Variants in AGPS observed in about 807,000 individuals in gnomAD.
AGPS encodes alkylglycerone phosphate synthase.
A neutral mutation model predicts 90.7 loss-of-function variants in AGPS; 26 were observed. That is an observed-to-expected ratio of 0.29 (90% CI 0.21 to 0.40). The LOEUF (loss-of-function observed/expected upper bound fraction) is 0.40, where lower values mean the gene tolerates loss of function less well. AGPS is among the 10% of genes least tolerant of loss of function. AGPS has a pLI of 1.00. For synonymous variants in AGPS, 294 were observed against 285.3 expected, an observed-to-expected ratio of 1.03 and a Z score of -0.31; for missense variants, 540 against 816.1, an observed-to-expected ratio of 0.66 and a Z score of 4.12.
intron 8 of AGPS, among the ~76,000 whole-genome samples, chr2:177,449,453 C>T (rs1686871442): frequency 1.3e-5 from 2 of 152,182 alleles, no homozygotes; most frequent in Admixed American, 6.5e-5. Context: ...GACAGTGTCT[C>T]ATGCTGCTGC....
chr2:177,524,085 G>A (rs1236885926), intron 19 of AGPS, among the ~76,000 whole-genome samples: 1 of 152,170 alleles, frequency 6.6e-6, no homozygotes, highest in East Asian at 1.9e-4. Context: ...GCTTGCCTGG[G>A]AGGTACTTGA....
At chr2:177,465,160 A>T (rs1687409829) in intron 9 of AGPS, among the ~76,000 whole-genome samples, 1 of 152,096 alleles carries the variant, frequency 6.6e-6, no homozygotes, top group African/African-American at 2.4e-5. Context: ...TGAGCATGGT[A>T]GCACATACTT....
At position 177,505,410 on chromosome 2, in the gene AGPS, G is replaced by A. The variant is rs1574017591; in HGVS notation, c.1476-96G>A. On this transcript the variant is annotated intron_variant, in intron 14 of 19. Transcript: ENST00000264167. The stretch of plus-strand genomic sequence containing the variant: ...ATATTAAAAGTGTTTTCAGATTTTT[G>A]TTATTCAAACTTATTCTCTTGACAG... 5 of 1,069,880 alleles carry A rather than the reference G, an allele frequency of 4.7e-6. 1 individual carries two copies. The highest frequency in any genetic ancestry group is 4.1e-5 in the South Asian group (3 of 73,392). The allele number at this position is 1,069,880 out of a possible 1,614,324, so 66.3% of individuals were successfully genotyped here.
At chr2:177,418,881 A>G (rs1405847259) in intron 1 of AGPS, among the ~76,000 whole-genome samples, 1 of 151,940 alleles carries the variant, frequency 6.6e-6, no homozygotes, top group Non-Finnish European at 1.5e-5. Flanking sequence ...GATTTTTCCA[A>G]AAGCTCCGTT....
At chr2:177,490,284 C>T (rs537353735) in intron 11 of AGPS, among the ~76,000 whole-genome samples, 2 of 152,068 alleles carry the variant, frequency 1.3e-5, no homozygotes, top group Non-Finnish European at 2.9e-5. Flanking sequence ...TTACAAATAT[C>T]AATTACCAGG....
At chr2:177,536,140 T>C (rs2079181942) in intron 19 of AGPS, among the ~76,000 whole-genome samples, 1 of 152,138 alleles carries the variant, frequency 6.6e-6, no homozygotes, top group Non-Finnish European at 1.5e-5. Flanking sequence ...AATTGCATTA[T>C]TACTAGAGGT....
chr2:177,392,787 G>C lies in AGPS; in HGVS notation c.-3G>C. Reference sequence around the variant, plus strand: ...TTCCGGGCGGCAGCACAAGGCGGTAGCCATGGCGGAGGCGGCGGCTGCAGC... The same window carrying C: ...TTCCGGGCGGCAGCACAAGGCGGTACCCATGGCGGAGGCGGCGGCTGCAGC... On this transcript the variant is annotated 5_prime_UTR_variant, in exon 1 of 20. Transcript: ENST00000264167. 6.7e-7 allele frequency: 1 copy of C among 1,490,864 alleles called. No individual in the cohort carries two copies. Among genetic ancestry groups the C allele is most frequent in the Non-Finnish European group, 8.8e-7 (1 of 1,133,984 alleles). 92.4% of individuals were successfully genotyped at this position (1,490,864 alleles called of 1,614,324 possible).
chr2:177,443,689 T>C (rs532453492), intron 7 of AGPS, among the ~76,000 whole-genome samples: 19 of 152,356 alleles, frequency 1.2e-4, no homozygotes, highest in Admixed American at 2.6e-4. Flanking sequence ...GTGAACACTT[T>C]ATTTTATTGT....
intron 10 of AGPS, among the ~76,000 whole-genome samples, chr2:177,477,004 A>T (rs1400668253): frequency 4.0e-5 from 6 of 151,828 alleles, no homozygotes; most frequent in East Asian, 3.9e-4. Context: ...CATTATATAT[A>T]TTTTTTCTTT....
intron 14 of AGPS, among the ~76,000 whole-genome samples, chr2:177,503,191 C>T (rs1186452654): frequency 6.6e-6 from 1 of 152,164 alleles, no homozygotes; most frequent in East Asian, 1.9e-4. Context: ...TATGACCCAA[C>T]AGAACATAGT....
chr2:177,410,102 G>T (rs1685576791), intron 1 of AGPS, among the ~76,000 whole-genome samples: 1 of 152,162 alleles, frequency 6.6e-6, no homozygotes, highest in Non-Finnish European at 1.5e-5. Flanking sequence ...GAGGAAACTT[G>T]TCCTCATGAG....
intron 5 of AGPS, among the ~76,000 whole-genome samples, chr2:177,439,937 T>G (rs1430167229): frequency 6.6e-6 from 1 of 152,178 alleles, no homozygotes; most frequent in Non-Finnish European, 1.5e-5. Flanking sequence ...CCAGTCAGGT[T>G]TTTGTTACTT....
At chr2:177,511,593 A>C (rs1266555916) in intron 16 of AGPS, among the ~76,000 whole-genome samples, 1 of 152,226 alleles carries the variant, frequency 6.6e-6, no homozygotes, top group Non-Finnish European at 1.5e-5. Flanking sequence ...TAGAGGATGT[A>C]GAGGTAATCC....
Position 177,538,372 on chromosome 2 carries a change from T to C in AGPS, c.*177T>C. 1 of 676,042 alleles carries C rather than the reference T, an allele frequency of 1.5e-6. No individual in the cohort carries two copies. The highest frequency in any genetic ancestry group is 2.4e-6 in the Non-Finnish European group (1 of 408,786). The allele number at this position is 676,042 out of a possible 1,614,324, so 41.9% of individuals were successfully genotyped here. ...GTTTCTACATCTATGGATTGACAGA[T>C]AGTATTCCTAAATCTCTCTCATTGT... is the stretch of plus-strand genomic sequence containing the variant. On this transcript the variant is annotated 3_prime_UTR_variant, in exon 20 of 20. Coordinates refer to ENST00000264167, the MANE Select transcript of AGPS (RefSeq NM_003659.4).
At chr2:177,514,739 T>A (rs1688975962) in intron 17 of AGPS, among the ~76,000 whole-genome samples, 1 of 152,118 alleles carries the variant, frequency 6.6e-6, no homozygotes, top group Non-Finnish European at 1.5e-5. Flanking sequence ...ATTGTTCCCA[T>A]TGGGAAGAGA....
At chr2:177,424,081 A>T (rs937547419) in intron 2 of AGPS, among the ~76,000 whole-genome samples, 15 of 152,086 alleles carry the variant, frequency 9.9e-5, no homozygotes, top group Admixed American at 9.2e-4. Context: ...CCCACTATCC[A>T]TTAGCTGTTT....
intron 19 of AGPS, among the ~76,000 whole-genome samples, chr2:177,526,483 G>C (rs1360945626): frequency 6.6e-6 from 1 of 152,056 alleles, no homozygotes; most frequent in Admixed American, 6.5e-5. Context: ...GCCCACCTCA[G>C]CCTCCCAAAG....
chr2:177,445,612 G>C lies in AGPS; in HGVS notation c.856G>C (p.Glu286Gln). 2 of 1,606,838 alleles carry C rather than the reference G, an allele frequency of 1.2e-6. No homozygotes were observed. Among genetic ancestry groups the C allele is most frequent in the Non-Finnish European group, 8.5e-7 (1 of 1,175,926 alleles). ...TGTAGAGGCTGGCATAACAGGACAA[G>C]AGTTGGAAAGACAGGTATGTTATTT... is the stretch of plus-strand genomic sequence containing the variant. Reference protein sequence around the residue: ...AHVEAGITGQELERQLKESGY... With the variant: ...AHVEAGITGQQLERQLKESGY... The change falls in exon 8 of 20, where the codon GAG (glutamate) becomes CAG (glutamine). Residue 286 changes from glutamate to glutamine, a missense_variant. This residue lies in a region of AGPS where 405 missense variants were observed against 692.1 expected (regional missense o/e 0.59). Coordinates refer to ENST00000264167, the MANE Select transcript of AGPS (RefSeq NM_003659.4).
chr2:177,476,333 TTTACTTTATCTGATAAGTTTTGGTA>T (rs949069677), intron 10 of AGPS, among the ~76,000 whole-genome samples: 4 of 152,062 alleles, frequency 2.6e-5, no homozygotes, highest in African/African-American at 9.7e-5. Flanking sequence ...TAGGTATTGC[TTTACTTTATCTGATAAGTTTTGGTA>T]TATTGTGTCT....
Sources: allele counts gnomAD v4.1 joint callset (sites outside exome capture counted in the v4.1 genomes callset), GRCh38; gene constraint gnomAD v4.1.1; regional missense constraint gnomAD v4.1.1; transcripts MANE v1.5; gene names NCBI Gene and HGNC (gene_info 2026-07-23, HGNC 2026-07-21).